RNF13: variants seen among roughly 807,000 people sequenced by gnomAD.
RNF13 encodes E3 ubiquitin-protein ligase RNF13.
In RNF13, 19 loss-of-function variants were observed where a neutral mutation model predicts 37.7. That is an observed-to-expected ratio of 0.50 (90% CI 0.35 to 0.74). The LOEUF (loss-of-function observed/expected upper bound fraction) is 0.74. RNF13 is among the 30% of genes least tolerant of loss of function. The pLI is 0.01. For synonymous variants in RNF13, 144 were observed against 157.8 expected (o/e 0.91, Z 0.65); for missense variants, 375 against 453.0 (o/e 0.83, Z 1.56).
chr3:149,930,951 C>G (rs1719099854), intron 8 of RNF13, among the ~76,000 whole-genome samples: 1 of 151,998 alleles, frequency 6.6e-6, no homozygotes, highest in African/African-American at 2.4e-5. Context: ...TCTTTTGTCT[C>G]TTTTTCTTGG....
intron 1 of RNF13, among the ~76,000 whole-genome samples, chr3:149,825,528 C>T (rs1434416387): frequency 6.6e-6 from 1 of 152,208 alleles, no homozygotes; most frequent in Non-Finnish European, 1.5e-5. Context: ...TGTGCCCTGA[C>T]TGCCTCTGCA....
chr3:149,834,977 G>T (rs1237555480), intron 1 of RNF13, among the ~76,000 whole-genome samples: 1 of 152,148 alleles, frequency 6.6e-6, no homozygotes, highest in Non-Finnish European at 1.5e-5. Flanking sequence ...GTATGTAAAA[G>T]AATGAATTTG....
chr3:149,905,071 C>T (rs916350099), intron 6 of RNF13, among the ~76,000 whole-genome samples: 1 of 152,178 alleles, frequency 6.6e-6, no homozygotes, highest in African/African-American at 2.4e-5. Context: ...TAACCTTATG[C>T]CTAAGTGTTT....
At chr3:149,926,332 C>T (rs1015633679) in intron 8 of RNF13, among the ~76,000 whole-genome samples, 1 of 152,160 alleles carries the variant, frequency 6.6e-6, no homozygotes, top group African/African-American at 2.4e-5. Flanking sequence ...TTGCCTCATC[C>T]TGCCGAGTAG....
intron 7 of RNF13, among the ~76,000 whole-genome samples, chr3:149,918,760 C>T (rs1409547430): frequency 6.7e-6 from 1 of 149,370 alleles, no homozygotes; most frequent in Non-Finnish European, 1.5e-5. Context: ...AACTCCTGGG[C>T]TCAAGCAGTC....
At chr3:149,922,843 C>T (rs921550469) in intron 8 of RNF13, among the ~76,000 whole-genome samples, 1 of 152,130 alleles carries the variant, frequency 6.6e-6, no homozygotes, top group Non-Finnish European at 1.5e-5. Flanking sequence ...TAAGTTTCCC[C>T]TATAGTATAG....
At chr3:149,912,509 A>G (rs1427968851) in intron 7 of RNF13, among the ~76,000 whole-genome samples, 2 of 152,174 alleles carry the variant, frequency 1.3e-5, no homozygotes, top group African/African-American at 2.4e-5. Context: ...AAAGTATTTT[A>G]GGGAAAGTAC....
chr3:149,927,096 CTTT>C (rs1718728937), intron 8 of RNF13, among the ~76,000 whole-genome samples: 1 of 152,204 alleles, frequency 6.6e-6, no homozygotes, highest in Admixed American at 6.5e-5. Flanking sequence ...CTCCAGACTT[CTTT>C]ATCTTCCCAA....
At chr3:149,863,947 A>G (rs1298687449) in intron 3 of RNF13, among the ~76,000 whole-genome samples, 1 of 149,608 alleles carries the variant, frequency 6.7e-6, no homozygotes, top group Non-Finnish European at 1.5e-5. Flanking sequence ...TCCACTTAGA[A>G]TTCTTGTTTT....
intron 1 of RNF13, among the ~76,000 whole-genome samples, chr3:149,836,763 A>G (rs1423914848): frequency 6.6e-6 from 1 of 152,204 alleles, no homozygotes; most frequent in Non-Finnish European, 1.5e-5. Flanking sequence ...GTCAATTGAG[A>G]GATGAATGGA....
chr3:149,899,137 T>C (rs904843783), intron 5 of RNF13, among the ~76,000 whole-genome samples: 1 of 152,186 alleles, frequency 6.6e-6, no homozygotes, highest in African/African-American at 2.4e-5. Flanking sequence ...TGATAAGGAC[T>C]TTGGAATTTA....
chr3:149,910,161 CAG>C (rs1380716936), intron 6 of RNF13, among the ~76,000 whole-genome samples: 1 of 152,120 alleles, frequency 6.6e-6, no homozygotes, highest in African/African-American at 2.4e-5. Flanking sequence ...ACCACTGGCT[CAG>C]GGCAGTTTCA....
chr3:149,860,270 A>AAATATATATATATATATAT (rs1302318768), intron 3 of RNF13, among the ~76,000 whole-genome samples: 2 of 104,094 alleles, frequency 1.9e-5, no homozygotes, highest in African/African-American at 4.2e-5. Flanking sequence ...AAAAAAAAAA[A>AAATATATATATATATATAT]ATATATATAT....
intron 5 of RNF13, among the ~76,000 whole-genome samples, chr3:149,895,880 AT>A (rs1206794594): frequency 1.3e-5 from 2 of 152,206 alleles, no homozygotes; most frequent in African/African-American, 4.8e-5. Context: ...TTATTTAGAG[AT>A]TCACAGCATT....
intron 3 of RNF13, among the ~76,000 whole-genome samples, chr3:149,863,826 T>C (rs557689931): frequency 3.3e-5 from 5 of 152,202 alleles, no homozygotes; most frequent in Admixed American, 2.6e-4. Flanking sequence ...TTTATGTTTT[T>C]ACAGGATTTG....
At chr3:149,919,150 T>C (rs181260898) in intron 7 of RNF13, among the ~76,000 whole-genome samples, 4 of 152,358 alleles carry the variant, frequency 2.6e-5, no homozygotes, top group African/African-American at 7.2e-5. Flanking sequence ...AAAAAATTTA[T>C]GGAGGTATGA....
chr3:149,827,118 C>T (rs768595864), intron 1 of RNF13, among the ~76,000 whole-genome samples: 4 of 152,048 alleles, frequency 2.6e-5, no homozygotes, highest in Non-Finnish European at 5.9e-5. Context: ...GGCTCTGTAT[C>T]TGTGGATTCA....
intron 4 of RNF13, among the ~76,000 whole-genome samples, chr3:149,890,396 T>TC (rs1272618238): frequency 6.6e-6 from 1 of 152,170 alleles, no homozygotes; most frequent in Non-Finnish European, 1.5e-5. Flanking sequence ...TCCTTTTTTT[T>TC]CTCTCTCTTC....
intron 1 of RNF13, among the ~76,000 whole-genome samples, chr3:149,838,354 C>G (rs549598653): frequency 6.6e-6 from 1 of 152,330 alleles, no homozygotes; most frequent in East Asian, 1.9e-4. Flanking sequence ...TGTGGGGGCT[C>G]CAACCCCATA....
Sources: gnomAD v4.1 joint callset for allele counts (sites outside exome capture counted in the v4.1 genomes callset) on GRCh38, gnomAD v4.1.1 for gene constraint, MANE v1.5 for transcripts, NCBI Gene and HGNC (gene_info 2026-07-23, HGNC 2026-07-21) for gene names.